TFAP2D: variants seen among roughly 807,000 people sequenced by gnomAD.
The protein encoded by TFAP2D is transcription factor AP-2-delta.
A neutral mutation model predicts 43.6 loss-of-function variants in TFAP2D; 9 were observed. That is an observed-to-expected ratio of 0.21 (90% confidence interval 0.12 to 0.36). The LOEUF (loss-of-function observed/expected upper bound fraction) is 0.36, where lower values mean the gene tolerates loss of function less well. TFAP2D is among the 10% of genes least tolerant of loss of function. The pLI, the probability that TFAP2D is intolerant of heterozygous loss-of-function variation, is 1.00. For missense variants in TFAP2D, 513 were observed against 561.4 expected (o/e 0.91, Z 0.87); for synonymous variants, 256 against 224.9 (o/e 1.14, Z -1.24).
chr6:50,723,742 C>A (rs1170616561), intron 3 of TFAP2D, among the ~76,000 whole-genome samples: 1 of 152,146 alleles, frequency 6.6e-6, no homozygotes, highest in Non-Finnish European at 1.5e-5. Flanking sequence ...CAGCCTACAG[C>A]CTTTTCTCTA....
intron 7 of TFAP2D, among the ~76,000 whole-genome samples, chr6:50,770,149 C>T (rs2113896909): frequency 6.6e-6 from 1 of 152,266 alleles, no homozygotes; most frequent in Non-Finnish European, 1.5e-5. Flanking sequence ...TTGTGGGTAT[C>T]ACCATGATTA....
chr6:50,758,155 T>C (rs1373189784), intron 7 of TFAP2D, among the ~76,000 whole-genome samples: 1 of 151,800 alleles, frequency 6.6e-6, no homozygotes, highest in African/African-American at 2.4e-5. Context: ...TTCTTAGAAA[T>C]ATACCCTCTT....
At position 50,766,694 on chromosome 6, in the gene TFAP2D, C is replaced by T. The variant is rs1581779797; in HGVS notation, c.1140-5951C>T. On this transcript the variant is annotated intron_variant, in intron 7 of 7. Transcript: ENST00000008391. ...TTTTTTTTTTTGAGACGGAGTCTCG[C>T]TCTGTCGCCCAGGCCGGACTGCGGA... Among the ~76,000 whole-genome samples, 3 of 77,878 alleles carry T rather than the reference C, an allele frequency of 3.9e-5. No individual in the cohort carries two copies. In the South Asian group the frequency reaches 1.4e-3, roughly 36 times the overall value. 51.1% of individuals were successfully genotyped at this position (77,878 alleles called of 152,430 possible). A position where few individuals can be genotyped will look rare whatever the true frequency, so the allele number is the denominator to read the frequency against.
chr6:50,766,915 G>T (rs1181581658), intron 7 of TFAP2D, among the ~76,000 whole-genome samples: 3 of 151,784 alleles, frequency 2.0e-5, no homozygotes, highest in Non-Finnish European at 4.4e-5. Context: ...TGATCCACCC[G>T]CCTCGGCCTC....
intron 7 of TFAP2D, among the ~76,000 whole-genome samples, chr6:50,753,773 T>C (rs924992890): frequency 6.6e-6 from 1 of 151,934 alleles, no homozygotes; most frequent in South Asian, 2.1e-4. Flanking sequence ...ATATATTGAA[T>C]ATTTTGAATA....
chr6:50,758,189 A>G (rs1204760304), intron 7 of TFAP2D, among the ~76,000 whole-genome samples: 1 of 151,854 alleles, frequency 6.6e-6, no homozygotes, highest in East Asian at 1.9e-4. Context: ...GAAATAAGGA[A>G]TGTATAGACA....
chr6:50,770,875 C>T (rs1051802380), intron 7 of TFAP2D, among the ~76,000 whole-genome samples: 33 of 152,186 alleles, frequency 2.2e-4, no homozygotes, highest in Admixed American at 1.6e-3. Flanking sequence ...GTACTATACA[C>T]ATATGCACAA....
chr6:50,725,542 G>C (rs1337795729), intron 3 of TFAP2D, among the ~76,000 whole-genome samples: 1 of 152,188 alleles, frequency 6.6e-6, no homozygotes, highest in Non-Finnish European at 1.5e-5. Context: ...GCTGAATCTA[G>C]AATGATTATC....
At chr6:50,719,207 T>C (rs1768676177) in intron 3 of TFAP2D, 57 bp downstream of exon 3, 1 of 1,553,526 alleles carries the variant, frequency 6.4e-7, no homozygotes, top group Non-Finnish European at 8.8e-7. Flanking sequence ...TCTCTTACTT[T>C]GTTTAGAAGA....
In TFAP2D at chr6:50,772,829, G is replaced by A; in HGVS notation, c.1324G>A (p.Ala442Thr). 2 of 1,613,976 alleles carry A rather than the reference G, an allele frequency of 1.2e-6. No homozygotes were observed. The highest frequency in any genetic ancestry group is 1.7e-6 in the Non-Finnish European group (2 of 1,179,944). ...TCCCCTGCGGAAAACTTCAGAGGCT[G>A]CCGTGAAAGAGGGCAAAACAGAAAA... ...KAPLRKTSEA[A>T]VKEGKTEKTD The change falls in exon 8 of 8, where the codon GCC becomes ACC. Residue 442 changes from alanine (A) to threonine (T), a missense_variant. Coordinates refer to ENST00000008391, the MANE Select transcript of TFAP2D (RefSeq NM_172238.4).
In TFAP2D at chr6:50,714,040, T is replaced by A. The variant is rs771532873; in HGVS notation, c.-16T>A. On this transcript the variant is annotated 5_prime_UTR_variant, in exon 1 of 8. Transcript: ENST00000008391. Reference sequence around the variant, plus strand: ...GGAGGGGGAAATTGCATCGTAAGCTTTCGGAGAAACCCAACATGTCAACTA... The same window carrying A: ...GGAGGGGGAAATTGCATCGTAAGCTATCGGAGAAACCCAACATGTCAACTA... 1.2e-6 allele frequency: 2 copies of A among 1,613,254 alleles called. No individual in the cohort carries two copies. The highest frequency in any genetic ancestry group is 2.7e-5 in the African/African-American group (2 of 74,750).
chr6:50,735,663 C>G (rs1345765783), intron 5 of TFAP2D, among the ~76,000 whole-genome samples: 1 of 152,118 alleles, frequency 6.6e-6, no homozygotes, highest in African/African-American at 2.4e-5. Flanking sequence ...TTTTATTCCA[C>G]TCTGGCCAAA....
At chr6:50,763,370 C>T (rs1193365012) in intron 7 of TFAP2D, among the ~76,000 whole-genome samples, 2 of 152,080 alleles carry the variant, frequency 1.3e-5, no homozygotes, top group Admixed American at 6.6e-5. Flanking sequence ...CATTGTACAA[C>T]CAGCTGTGAA....
intron 3 of TFAP2D, among the ~76,000 whole-genome samples, chr6:50,722,064 C>T (rs1768735136): frequency 6.6e-6 from 1 of 152,196 alleles, no homozygotes; most frequent in South Asian, 2.1e-4. Flanking sequence ...TGTTAAGTGG[C>T]AATTACATTA....
chr6:50,742,619 TA>T (rs1273644630), intron 5 of TFAP2D, among the ~76,000 whole-genome samples: 3 of 144,952 alleles, frequency 2.1e-5, no homozygotes, highest in Non-Finnish European at 4.7e-5. Flanking sequence ...GATAGATAGA[TA>T]GATAGATAGA....
At chr6:50,755,660 C>A (rs1205105348) in intron 7 of TFAP2D, among the ~76,000 whole-genome samples, 3 of 151,796 alleles carry the variant, frequency 2.0e-5, no homozygotes, top group Non-Finnish European at 2.9e-5. Context: ...ACTGAGAATT[C>A]TATCAAGTTT....
chr6:50,742,914 G>A (rs995243279), intron 5 of TFAP2D, among the ~76,000 whole-genome samples: 9 of 148,378 alleles, frequency 6.1e-5, no homozygotes, highest in Non-Finnish European at 1.0e-4. Flanking sequence ...CATTTTTCAA[G>A]CAATAGTGAG....
chr6:50,724,154 G>A (rs974817468), intron 3 of TFAP2D, among the ~76,000 whole-genome samples: 4 of 152,068 alleles, frequency 2.6e-5, no homozygotes, highest in African/African-American at 7.2e-5. Context: ...GGAAGGGTGA[G>A]AGGCTAGAGA....
chr6:50,715,125 G>C lies in TFAP2D; in HGVS notation c.49G>C (p.Asp17His). Residue 17 changes from aspartate to histidine, a missense_variant, in exon 2 of 8, where the codon GAC (aspartate) becomes CAC (histidine). Physicochemically the swap from Asp to His is moderately conservative, Grantham distance 81. Coordinates refer to ENST00000008391, the MANE Select transcript of TFAP2D (RefSeq NM_172238.4). Reference sequence around the variant, plus strand: ...CCCCTCTTCCTTCCAGATACGTCACGACGGATCAAACAGCTACCGTTTGAT... The same window carrying C: ...CCCCTCTTCCTTCCAGATACGTCACCACGGATCAAACAGCTACCGTTTGAT... ...GLVHDAEIRHDGSNSYRLMQL... is the reference protein window; with the variant it reads ...GLVHDAEIRHHGSNSYRLMQL... 1 of 1,613,782 alleles carries C rather than the reference G, an allele frequency of 6.2e-7. No individual in the cohort carries two copies. Among genetic ancestry groups the C allele is most frequent in the Non-Finnish European group, 8.5e-7 (1 of 1,179,880 alleles).
Sources: gnomAD v4.1 joint callset for allele counts (sites outside exome capture counted in the v4.1 genomes callset) on GRCh38, gnomAD v4.1.1 for gene constraint, MANE v1.5 for transcripts, NCBI Gene and HGNC (gene_info 2026-07-23, HGNC 2026-07-21) for gene names.